The following DAPK2 variants were observed in gnomAD, a reference collection of about 807,000 sequenced individuals.
The protein encoded by DAPK2 is death associated protein kinase 2, also known as death-associated protein kinase 2.
DAPK2 carries 35 observed loss-of-function variants against 44.1 expected under a neutral mutation model. The ratio of observed to expected loss-of-function variants is 0.79; its 90% CI spans 0.61 to 1.05. DAPK2 has a LOEUF of 1.05. Among genes scored for constraint, DAPK2 ranks in the 50% least tolerant of loss-of-function variants. DAPK2 has a pLI of 0.00. For synonymous variants in DAPK2, 174 were observed against 182.6 expected, an observed-to-expected ratio of 0.95 and a Z score of 0.38; for missense variants, 453 against 483.2, an observed-to-expected ratio of 0.94 and a Z score of 0.59.
In DAPK2 at chr15:63,939,915, A is replaced by G. The variant is rs548668272; in HGVS notation, c.454-554T>C. Among the ~76,000 whole-genome samples the G allele has an allele frequency of 1.3e-5, 2 of 152,254 alleles. No homozygotes were observed. Among genetic ancestry groups the G allele is most frequent in the South Asian group, 4.1e-4 (2 of 4,820 alleles). On this transcript the variant is annotated intron_variant, in intron 3 of 10. Coordinates refer to ENST00000261891, the Ensembl canonical transcript of DAPK2. The surrounding 1 kb of genome is among the most constrained non-coding windows in gnomAD (Gnocchi z 4.3). ...CCCACACTTCTCTCTGCGTTTAACT[A>G]ATTTTGGTCCTCAGCAGGACACAGG...
intron 3 of DAPK2, among the ~76,000 whole-genome samples, chr15:63,962,891 C>T (rs1462738628): frequency 3.3e-5 from 5 of 152,222 alleles, no homozygotes; most frequent in East Asian, 1.9e-4. Flanking sequence ...CAGACAAGGA[C>T]GTTTAAGTTT....
rs2079244548 is a variant in DAPK2, at chr15:64,006,872, C to T, written c.93-23118G>A. On this transcript the variant is annotated intron_variant, in intron 1 of 10. Coordinates refer to ENST00000261891, the Ensembl canonical transcript of DAPK2. Reference sequence around the variant, plus strand: ...CCAAGTACAGATTACATCAATCTAGCAGGTAGCCAAGAAGGAAGTAGACAT... The same window carrying T: ...CCAAGTACAGATTACATCAATCTAGTAGGTAGCCAAGAAGGAAGTAGACAT... Among the ~76,000 whole-genome samples, 9 of 152,172 alleles carry T rather than the reference C, an allele frequency of 5.9e-5. No individual in the cohort carries two copies. The South Asian group carries it at 1.0e-3, about 18-fold the overall frequency.
intron 3 of DAPK2, among the ~76,000 whole-genome samples, chr15:63,942,454 A>G (rs948196749): frequency 1.3e-5 from 2 of 152,104 alleles, no homozygotes; most frequent in African/African-American, 4.8e-5. Flanking sequence ...CAGGGGGCTG[A>G]GATGGGAGAA....
rs571376791 is a variant in DAPK2 at position 63,986,697 on chromosome 15, G to C, written c.93-2943C>G. On this transcript the variant is annotated intron_variant, in intron 1 of 10. Coordinates refer to ENST00000261891, the Ensembl canonical transcript of DAPK2. ...CAAGTAGCCAACTCTTTAAATCCTA[G>C]AGCAGTGGTTCTCAACCCAGGCCAC... 9.2e-5 allele frequency among the ~76,000 whole-genome samples: 14 copies of C among 152,296 alleles called. 1 individual carries two copies. The highest frequency in any genetic ancestry group is 1.8e-4 in the Non-Finnish European group (12 of 68,028).
chr15:63,947,246 C>T (rs994780219), intron 3 of DAPK2, among the ~76,000 whole-genome samples: 5 of 152,176 alleles, frequency 3.3e-5, no homozygotes, highest in Non-Finnish European at 7.4e-5. Flanking sequence ...CAACACACAG[C>T]TAGTTGTCCC....
At chr15:63,924,122 C>G (rs115818233) in intron 8 of DAPK2, among the ~76,000 whole-genome samples, 3,182 of 152,296 alleles carry the variant, frequency 0.021, 107 homozygotes, top group African/African-American at 0.072. Flanking sequence ...AGAATTAGGG[C>G]CTGAATCCTG....
chr15:64,002,368 A>T (rs1031245523), intron 1 of DAPK2, among the ~76,000 whole-genome samples: 5 of 152,344 alleles, frequency 3.3e-5, no homozygotes, highest in African/African-American at 1.2e-4. Context: ...AATAAACAAT[A>T]TATGTCCTTC....
chr15:63,998,713 C>G (rs895530998), intron 1 of DAPK2, among the ~76,000 whole-genome samples: 3 of 152,224 alleles, frequency 2.0e-5, no homozygotes, highest in Non-Finnish European at 2.9e-5. Flanking sequence ...GCATCCTCCC[C>G]CTTGCAGCTC....
At chr15:63,971,667 T>C (rs2078217310) in intron 2 of DAPK2, 106 bp from the exon 4 acceptor site, 1 of 1,225,748 alleles carries the variant, frequency 8.2e-7, no homozygotes, top group Non-Finnish European at 1.1e-6. Context: ...CCCAGGGACC[T>C]TGTATGGCAG....
chr15:64,029,251 C>T (rs1212442801), intron 1 of DAPK2, among the ~76,000 whole-genome samples: 3 of 152,038 alleles, frequency 2.0e-5, no homozygotes, highest in East Asian at 1.9e-4. Flanking sequence ...GTGTGCAATG[C>T]GGCCACTTTG....
In DAPK2 at chr15:63,935,089, C is replaced by CTTTT. The variant is rs35739549; in HGVS notation, c.583+4139_583+4142dup. On this transcript the variant is annotated intron_variant, in intron 4 of 10. Transcript: ENST00000261891. ...TTTGTTTTTCTTAAATCTTTGCCTTCTTTTTTTTTTTTTTTTCCTGATACA... is the reference window on the plus strand; with the variant it reads ...TTTGTTTTTCTTAAATCTTTGCCTTCTTTTTTTTTTTTTTTTTTTTCCTGATACA... Among the ~76,000 whole-genome samples, 9 of 124,474 alleles carry CTTTT rather than the reference C, an allele frequency of 7.2e-5. 1 individual carries two copies. The highest frequency in any genetic ancestry group is 2.6e-4 in the South Asian group (1 of 3,896). The allele number at this position is 124,474 out of a possible 152,430, so 81.7% of individuals were successfully genotyped here. A position where few individuals can be genotyped will look rare whatever the true frequency, so the allele number is the denominator to read the frequency against.
intron 1 of DAPK2, among the ~76,000 whole-genome samples, chr15:63,995,527 C>T (rs528039091): frequency 6.6e-6 from 1 of 152,172 alleles, no homozygotes; most frequent in African/African-American, 2.4e-5. Context: ...CTTCAATCAC[C>T]CAACTGCTGT....
chr15:64,007,316 C>T (rs1035620130), intron 1 of DAPK2, among the ~76,000 whole-genome samples: 1 of 152,054 alleles, frequency 6.6e-6, no homozygotes, highest in Non-Finnish European at 1.5e-5. Flanking sequence ...CTCAAAATGA[C>T]CTGAAGGTAC....
chr15:64,044,400 C>G (rs1287735214), upstream of DAPK2, among the ~76,000 whole-genome samples: 1 of 152,170 alleles, frequency 6.6e-6, no homozygotes, highest in African/African-American at 2.4e-5. Context: ...GAAGGGGAAG[C>G]CAGAGCAGTT....
intron 2 of DAPK2, among the ~76,000 whole-genome samples, chr15:63,981,131 G>A (rs2078498889): frequency 6.6e-6 from 1 of 150,646 alleles, no homozygotes; most frequent in Non-Finnish European, 1.5e-5. Context: ...TGAGGGCTCT[G>A]TCCTTATGAA....
intron 3 of DAPK2, among the ~76,000 whole-genome samples, chr15:63,945,882 C>T (rs1365429441): frequency 1.3e-5 from 2 of 152,220 alleles, no homozygotes; most frequent in African/African-American, 4.8e-5. Context: ...CTCCTGGCCC[C>T]AGGTCAGGAA....
At chr15:63,982,029 G>A (rs1268268627) in intron 2 of DAPK2, among the ~76,000 whole-genome samples, 1 of 152,178 alleles carries the variant, frequency 6.6e-6, no homozygotes, top group Non-Finnish European at 1.5e-5. Context: ...CACCGAGTCT[G>A]TAGGCAGGTT....
intron 1 of DAPK2, among the ~76,000 whole-genome samples, chr15:64,011,346 G>C (rs538598212): frequency 1.3e-5 from 2 of 152,286 alleles, no homozygotes; most frequent in East Asian, 3.9e-4. Flanking sequence ...GATCACTGGA[G>C]GTCAGGAGTT....
intron 1 of DAPK2, among the ~76,000 whole-genome samples, chr15:64,017,281 C>G (rs568359172): frequency 4.0e-4 from 61 of 152,300 alleles, no homozygotes; most frequent in Non-Finnish European, 6.6e-4. Flanking sequence ...CATCAGTTCC[C>G]TCATCTATAA....
Sources: gnomAD v4.1 joint callset for allele counts (sites outside exome capture counted in the v4.1 genomes callset) on GRCh38, gnomAD v4.1.1 for gene constraint, Gnocchi (gnomAD v3.1) non-coding constraint, MANE v1.5 for transcripts, NCBI Gene and HGNC (gene_info 2026-07-23, HGNC 2026-07-21) for gene names.